TUFT1: variants seen among roughly 807,000 people sequenced by gnomAD.
TUFT1 encodes the protein tuftelin.
TUFT1 carries 43 observed loss-of-function variants against 57.8 expected under a neutral mutation model. That is an observed-to-expected ratio of 0.74 (90% CI 0.58 to 0.96). TUFT1 has a LOEUF of 0.96. Among genes scored for constraint, TUFT1 ranks in the 40% least tolerant of loss-of-function variants. The probability of loss-of-function intolerance (pLI) is 0.00; values close to 1 mark genes in which losing one functional copy is unlikely to be tolerated. For synonymous variants in TUFT1, 166 were observed against 176.7 expected, an observed-to-expected ratio of 0.94 and a Z score of 0.48; for missense variants, 459 against 489.0, an observed-to-expected ratio of 0.94 and a Z score of 0.58.
In TUFT1 at chr1:151,574,520, C is replaced by T. The variant is rs1336097845; in HGVS notation, c.723+122C>T. 15 of 1,318,826 alleles carry T rather than the reference C, an allele frequency of 1.1e-5. No homozygotes were observed. The East Asian group carries it at 3.6e-4, about 31-fold the overall frequency. 81.7% of individuals were successfully genotyped at this position (1,318,826 alleles called of 1,614,324 possible). Reference sequence around the variant, plus strand: ...CCTCTCCAGAAAAGCACACTTCGCACCTTCCTTTGGCAGATCCCTTGGAAT... The same window carrying T: ...CCTCTCCAGAAAAGCACACTTCGCATCTTCCTTTGGCAGATCCCTTGGAAT... On this transcript the variant is annotated intron_variant, in intron 8 of 12. Coordinates refer to ENST00000368849, the MANE Select transcript of TUFT1 (RefSeq NM_020127.3).
chr1:151,579,229 T>G (rs933228762), intron 10 of TUFT1, among the ~76,000 whole-genome samples: 3 of 152,208 alleles, frequency 2.0e-5, no homozygotes, highest in African/African-American at 7.2e-5. Context: ...TGCAGAATTG[T>G]TTTGAGAGCC....
chr1:151,549,562 T>C (rs137877570), intron 1 of TUFT1, among the ~76,000 whole-genome samples: 1 of 152,334 alleles, frequency 6.6e-6, no homozygotes, highest in African/African-American at 2.4e-5. Context: ...CAAATCACTT[T>C]TACATCATTC....
At chr1:151,557,998 A>G (rs1259793828) in intron 1 of TUFT1, 1 of 468,568 alleles carries the variant, frequency 2.1e-6, no homozygotes, top group East Asian at 5.7e-5. Context: ...TTAAAAAAAA[A>G]AAAAGAAAAC....
At chr1:151,572,484 CATAA>C (rs1666288697) in intron 7 of TUFT1, among the ~76,000 whole-genome samples, 1 of 151,768 alleles carries the variant, frequency 6.6e-6, no homozygotes. Flanking sequence ...CAGAAATGTA[CATAA>C]ATAAACATAA....
intron 6 of TUFT1, among the ~76,000 whole-genome samples, chr1:151,568,121 G>A (rs900619542): frequency 6.6e-6 from 1 of 151,554 alleles, no homozygotes; most frequent in African/African-American, 2.4e-5. Flanking sequence ...TTTTGCATTC[G>A]GTGTTTTTGG....
chr1:151,547,602 G>A (rs905965403), intron 1 of TUFT1, among the ~76,000 whole-genome samples: 6 of 152,178 alleles, frequency 3.9e-5, no homozygotes, highest in East Asian at 1.9e-4. Context: ...GAAAAGAGAC[G>A]TGGTTTTCTT....
chr1:151,583,490 G>T lies in TUFT1; in HGVS notation c.*1783G>T, dbSNP rs1357854812. On this transcript the variant is annotated 3_prime_UTR_variant, in exon 13 of 13. Coordinates refer to ENST00000368849, the MANE Select transcript of TUFT1 (RefSeq NM_020127.3). ...TTGTAAAATGAGGGGGTCAGAGCAG[G>T]TGATATCCATGTTTCTTCCCTTTCT... is the stretch of plus-strand genomic sequence containing the variant. 6.6e-6 allele frequency: 1 copy of T among 152,166 alleles called. No individual in the cohort carries two copies. Among genetic ancestry groups the T allele is most frequent in the Non-Finnish European group, 1.5e-5 (1 of 68,038 alleles). The allele number at this position is 152,166 out of a possible 1,614,324, so 9.4% of individuals were successfully genotyped here. A position where few individuals can be genotyped will look rare whatever the true frequency, so the allele number is the denominator to read the frequency against.
intron 1 of TUFT1, among the ~76,000 whole-genome samples, chr1:151,554,462 C>T (rs1396701858): frequency 2.0e-5 from 3 of 152,244 alleles, no homozygotes; most frequent in African/African-American, 4.8e-5. Flanking sequence ...TGCAGTGGCA[C>T]GATCTTGGCT....
intron 11 of TUFT1, among the ~76,000 whole-genome samples, chr1:151,580,555 G>A (rs1215833375): frequency 6.6e-6 from 1 of 151,282 alleles, no homozygotes; most frequent in Non-Finnish European, 1.5e-5. Context: ...CCAGTTACTT[G>A]GGAGACTTAA....
At chr1:151,570,648 T>C (rs1054118715) in intron 7 of TUFT1, among the ~76,000 whole-genome samples, 1 of 152,156 alleles carries the variant, frequency 6.6e-6, no homozygotes, top group Non-Finnish European at 1.5e-5. Flanking sequence ...CCCCCTACTA[T>C]ATGTGAGGTC....
intron 6 of TUFT1, among the ~76,000 whole-genome samples, chr1:151,567,486 G>A (rs945094971): frequency 2.6e-5 from 4 of 152,014 alleles, no homozygotes; most frequent in Non-Finnish European, 5.9e-5. Context: ...TGCCCACCTC[G>A]GCCTCCCAAA....
rs566110215 is a variant in TUFT1 at position 151,576,185 on chromosome 1, G to A, written c.818+1180G>A. 5.9e-5 allele frequency among the ~76,000 whole-genome samples: 9 copies of A among 152,266 alleles called. No homozygotes were observed. The South Asian group carries it at 1.9e-3, about 32-fold the overall frequency. On this transcript the variant is annotated intron_variant, in intron 9 of 12. Coordinates refer to ENST00000368849, the MANE Select transcript of TUFT1 (RefSeq NM_020127.3). ...TTAGGAAGGATAAGGGGTAGCTCAT[G>A]TTGCATTGTACCCCAAGCAGCATGC...
chr1:151,549,024 T>A (rs1665430639), intron 1 of TUFT1, among the ~76,000 whole-genome samples: 1 of 151,968 alleles, frequency 6.6e-6, no homozygotes. Context: ...CTTTGAGGAG[T>A]GAGTCAGGGT....
chr1:151,569,987 G>A (rs1215477348), intron 7 of TUFT1, among the ~76,000 whole-genome samples: 8 of 152,322 alleles, frequency 5.3e-5, no homozygotes, highest in Non-Finnish European at 7.4e-5. Flanking sequence ...AGGTCAGCTC[G>A]GGATTCTCTG....
At position 151,582,333 on chromosome 1, in the gene TUFT1, G is replaced by A. The variant is rs371536447; in HGVS notation, c.*626G>A. On this transcript the variant is annotated 3_prime_UTR_variant, in exon 13 of 13. Coordinates refer to ENST00000368849, the MANE Select transcript of TUFT1 (RefSeq NM_020127.3). ...CTGGGGAGGAGGGAATGTACATTCA[G>A]GGAGTAGCCTTTTGCGGAAAAATTC... 5.0e-6 allele frequency: 2 copies of A among 404,022 alleles called. No homozygotes were observed. Among genetic ancestry groups the A allele is most frequent in the African/African-American group, 2.1e-5 (1 of 48,334 alleles). 25.0% of individuals were successfully genotyped at this position (404,022 alleles called of 1,614,324 possible).
chr1:151,557,828 G>A (rs1331008896), intron 1 of TUFT1: 3 of 751,100 alleles, frequency 4.0e-6, no homozygotes, highest in South Asian at 1.3e-5. Context: ...ACCTACAGAC[G>A]GAGTGCTGTG....
chr1:151,575,380 A>T (rs910381619), intron 9 of TUFT1, among the ~76,000 whole-genome samples: 8 of 152,144 alleles, frequency 5.3e-5, no homozygotes, highest in African/African-American at 1.9e-4. Context: ...TTGACTGTAA[A>T]CTGTTTGAGG....
chr1:151,577,331 G>A (rs907161096), intron 9 of TUFT1, among the ~76,000 whole-genome samples: 4 of 152,128 alleles, frequency 2.6e-5, no homozygotes, highest in African/African-American at 9.7e-5. Flanking sequence ...TTGTGGGGCT[G>A]AAAGTTTCAA....
intron 1 of TUFT1, among the ~76,000 whole-genome samples, chr1:151,549,125 T>C (rs1349021917): frequency 1.3e-5 from 2 of 152,218 alleles, no homozygotes; most frequent in Non-Finnish European, 2.9e-5. Context: ...TAGAGGCTGC[T>C]TACCTTGTGA....
Sources: allele counts gnomAD v4.1 joint callset (sites outside exome capture counted in the v4.1 genomes callset), GRCh38; gene constraint gnomAD v4.1.1; transcripts MANE v1.5; gene names NCBI Gene and HGNC (gene_info 2026-07-23, HGNC 2026-07-21).